The following DNAH9 variants were observed in gnomAD, a reference collection of about 807,000 sequenced individuals.
DNAH9 encodes DNAH9 variant protein.
Under a neutral mutation model 471.6 loss-of-function variants are expected in DNAH9, and 345 were observed. The observed-to-expected ratio is 0.73, with a 90% CI of 0.67 to 0.80. DNAH9 has a LOEUF of 0.80. Among genes scored for constraint, DNAH9 ranks in the 30% least tolerant of loss-of-function variants. The pLI is 0.00. For missense variants in DNAH9, 5,407 were observed against 5,609.2 expected, an observed-to-expected ratio of 0.96 and a Z score of 1.15; for synonymous variants, 2,093 against 2,123.6, an observed-to-expected ratio of 0.99 and a Z score of 0.40.
At chr17:11,698,178 ATT>A (rs10595766) in intron 22 of DNAH9, among the ~76,000 whole-genome samples, 31 of 4,874 alleles carry the variant, frequency 6.4e-3, no homozygotes, top group South Asian at 0.012. Context: ...ATATTAATAT[ATT>A]ATTATATTAA....
intron 58 of DNAH9, among the ~76,000 whole-genome samples, chr17:11,893,547 A>G (rs1198485837): frequency 6.6e-6 from 1 of 152,176 alleles, no homozygotes; most frequent in Non-Finnish European, 1.5e-5. Flanking sequence ...AAAAAAGAAC[A>G]AGTTCATGTC....
intron 12 of DNAH9, among the ~76,000 whole-genome samples, chr17:11,648,265 G>A (rs2073433172): frequency 6.6e-6 from 1 of 152,204 alleles, no homozygotes; most frequent in African/African-American, 2.4e-5. Context: ...TGCAATTTAA[G>A]TAGAACATTG....
rs2075084488 is a variant in DNAH9, at chr17:11,722,831, CTG to C, written c.5709+3343_5709+3344del. On this transcript the variant is annotated intron_variant, in intron 27 of 68. Coordinates refer to ENST00000262442, the MANE Select transcript of DNAH9 (RefSeq NM_001372.4). ...TGCTGAAACATCCTTTATATTATAG[CTG>C]TAATACTTTCCCCTCTTGACCTCAA... Among the ~76,000 whole-genome samples the C allele has an allele frequency of 2.6e-5, 4 of 152,310 alleles. No homozygotes were observed. The South Asian group carries it at 8.3e-4, about 32-fold the overall frequency.
intron 42 of DNAH9, among the ~76,000 whole-genome samples, chr17:11,794,727 G>T (rs1969183975): frequency 1.3e-5 from 2 of 152,064 alleles, no homozygotes; most frequent in South Asian, 4.1e-4. Context: ...CTATAGTTTT[G>T]TTTCTGTGTT....
At chr17:11,878,439 T>C (rs903645006) in intron 53 of DNAH9, among the ~76,000 whole-genome samples, 1 of 152,256 alleles carries the variant, frequency 6.6e-6, no homozygotes, top group African/African-American at 2.4e-5. Flanking sequence ...TTTAGTTTTT[T>C]ATTTGATCAG....
intron 2 of DNAH9, among the ~76,000 whole-genome samples, chr17:11,610,023 G>A (rs1427913960): frequency 2.0e-5 from 3 of 152,208 alleles, no homozygotes; most frequent in Admixed American, 2.0e-4. Context: ...GCTGTCACTG[G>A]TAGGATTCAA....
chr17:11,723,812 C>T (rs1373434531), intron 27 of DNAH9, among the ~76,000 whole-genome samples: 7 of 151,936 alleles, frequency 4.6e-5, no homozygotes, highest in South Asian at 2.1e-4. Context: ...GGACTACAGG[C>T]GCCCGCCACC....
chr17:11,836,304 C>T (rs1970849353), intron 49 of DNAH9, among the ~76,000 whole-genome samples: 1 of 152,110 alleles, frequency 6.6e-6, no homozygotes, highest in Non-Finnish European at 1.5e-5. Context: ...CTCAGGGCCT[C>T]AACTAGGCAC....
At chr17:11,630,059 G>T (rs73290807) in intron 7 of DNAH9, 6,810 of 154,440 alleles carry the variant, frequency 0.044, 495 homozygotes, top group African/African-American at 0.15. Flanking sequence ...GGAGGTGGTG[G>T]TCAAAGAGTA....
chr17:11,783,756 AGGAGCCATGGGACCT>A lies in DNAH9; in HGVS notation c.7821+11_7821+25del, dbSNP rs758851508. 1.9e-6 allele frequency: 3 copies of A among 1,611,982 alleles called. No individual in the cohort carries two copies. In the South Asian group the frequency reaches 3.3e-5, roughly 18 times the overall value. On this transcript the variant is annotated intron_variant, in intron 40 of 68. Coordinates refer to ENST00000262442, the MANE Select transcript of DNAH9 (RefSeq NM_001372.4). Reference sequence around the variant, plus strand: ...ATCAACCCCCGGCTTCAGGTACAGGAGGAGCCATGGGACCTGGGTCCTAATCCTATCTTACTAGAG... The same window carrying A: ...ATCAACCCCCGGCTTCAGGTACAGGAGGGTCCTAATCCTATCTTACTAGAG...
chr17:11,857,667 C>A (rs1001336914), intron 50 of DNAH9, among the ~76,000 whole-genome samples: 52 of 152,150 alleles, frequency 3.4e-4, no homozygotes, highest in Admixed American at 1.3e-4. Context: ...TTTGTTCCTG[C>A]CCAAATCGCA....
chr17:11,795,620 C>G (rs557772406), intron 42 of DNAH9, among the ~76,000 whole-genome samples: 22 of 152,314 alleles, frequency 1.4e-4, no homozygotes, highest in African/African-American at 3.6e-4. Flanking sequence ...TTATTGGGGC[C>G]TGATGTTTGA....
intron 26 of DNAH9, among the ~76,000 whole-genome samples, chr17:11,708,321 A>G (rs1363017137): frequency 6.6e-6 from 1 of 152,158 alleles, no homozygotes; most frequent in Admixed American, 6.5e-5. Flanking sequence ...ACTTAGGGGC[A>G]AGGTCTGTCC....
chr17:11,766,480 A>T (rs1214590937), intron 36 of DNAH9, among the ~76,000 whole-genome samples: 1 of 152,222 alleles, frequency 6.6e-6, no homozygotes, highest in Non-Finnish European at 1.5e-5. Context: ...TTAAGTAACC[A>T]GGATAACCTA....
Position 11,834,995 on chromosome 17 carries a change from A to G in DNAH9, c.9507+97A>G, listed in dbSNP as rs368568121. 8 of 1,476,404 alleles carry G rather than the reference A, an allele frequency of 5.4e-6. 2 individuals carry two copies. In the South Asian group the frequency reaches 5.4e-5, roughly 10 times the overall value. 91.5% of individuals were successfully genotyped at this position (1,476,404 alleles called of 1,614,324 possible). On this transcript the variant is annotated intron_variant, in intron 49 of 68. Coordinates refer to ENST00000262442, the MANE Select transcript of DNAH9 (RefSeq NM_001372.4). ...CAAGAGATGCAAGGACAATGTTGGG[A>G]GAGTTTAGGGTGGGCTCCAACTGTC...
chr17:11,602,993 A>G (rs2072417203), intron 1 of DNAH9, among the ~76,000 whole-genome samples: 1 of 152,100 alleles, frequency 6.6e-6, no homozygotes, highest in South Asian at 2.1e-4. Flanking sequence ...ACCCAATTTG[A>G]GTGCCATGCT....
chr17:11,738,822 A>G, intron 28 of DNAH9, 58 bp from the exon 29 acceptor site: 1 of 1,494,344 alleles, frequency 6.7e-7, no homozygotes, highest in Non-Finnish European at 9.3e-7. Flanking sequence ...AGCTTTAGTT[A>G]TGATCCCTCC....
chr17:11,937,234 G>C lies in DNAH9; in HGVS notation c.12490-118G>C. On this transcript the variant is annotated intron_variant, in intron 65 of 68. Transcript: ENST00000262442. This position sits in a 1 kb window ranked among gnomAD's most constrained non-coding sequence, Gnocchi z 4.1. ...TGATGAAGTCAACCAGGGATGGTGA[G>C]CAGTGTCCCCTGGAGGAGGGATACT... 8.1e-7 allele frequency: 1 copy of C among 1,233,050 alleles called. No homozygotes were observed. The highest frequency in any genetic ancestry group is 1.1e-6 in the Non-Finnish European group (1 of 894,854). 76.4% of individuals were successfully genotyped at this position (1,233,050 alleles called of 1,614,324 possible).
intron 36 of DNAH9, among the ~76,000 whole-genome samples, chr17:11,765,013 T>C (rs958541167): frequency 6.6e-6 from 1 of 152,212 alleles, no homozygotes; most frequent in African/African-American, 2.4e-5. Context: ...TGGATTTGAA[T>C]TGTAGCTCTG....
Sources: allele counts gnomAD v4.1 joint callset (sites outside exome capture counted in the v4.1 genomes callset), GRCh38; gene constraint gnomAD v4.1.1; non-coding constraint Gnocchi (gnomAD v3.1); transcripts MANE v1.5; gene names NCBI Gene and HGNC (gene_info 2026-07-23, HGNC 2026-07-21).